Variants in USP34 observed in about 807,000 individuals in gnomAD.
USP34 encodes the protein ubiquitin carboxyl-terminal hydrolase 34.
Under a neutral mutation model 460.3 loss-of-function variants are expected in USP34, and 70 were observed. The ratio of observed to expected loss-of-function variants is 0.15; its 90% CI spans 0.13 to 0.19. The LOEUF (loss-of-function observed/expected upper bound fraction) is 0.19. Among genes scored for constraint, USP34 ranks in the 10% least tolerant of loss-of-function variants. USP34 has a pLI of 1.00. For missense variants in USP34, 3,985 were observed against 4,236.2 expected (o/e 0.94, Z 1.65); for synonymous variants, 1,647 against 1,405.3 (o/e 1.17, Z -3.85).
At chr2:61,285,849 T>G (rs1204941341) in intron 34 of USP34, among the ~76,000 whole-genome samples, 1 of 152,204 alleles carries the variant, frequency 6.6e-6, no homozygotes, top group East Asian at 1.9e-4. Context: ...CTAATATATT[T>G]GGAATTCCTC....
At chr2:61,287,937 C>A (rs974735445) in intron 34 of USP34, among the ~76,000 whole-genome samples, 2 of 152,198 alleles carry the variant, frequency 1.3e-5, no homozygotes, top group Non-Finnish European at 2.9e-5. Flanking sequence ...TATGCTAGGG[C>A]AAATATATCA....
chr2:61,295,350 A>G, intron 30 of USP34, 60 bp from the exon 31 acceptor site: 2 of 1,516,606 alleles, frequency 1.3e-6, no homozygotes, highest in Non-Finnish European at 1.8e-6. Context: ...AAAAAGAAAA[A>G]CTTTAAACAA....
intron 49 of USP34, among the ~76,000 whole-genome samples, chr2:61,247,912 C>G (rs1242501426): frequency 6.6e-6 from 1 of 152,144 alleles, no homozygotes; most frequent in Non-Finnish European, 1.5e-5. Context: ...AGAGGCCGGG[C>G]ACAGTGGCTC....
intron 1 of USP34, among the ~76,000 whole-genome samples, chr2:61,433,332 C>G (rs1278344804): frequency 6.6e-6 from 1 of 152,192 alleles, no homozygotes; most frequent in African/African-American, 2.4e-5. Flanking sequence ...AACACCTACA[C>G]TCCTTACAAG....
intron 1 of USP34, among the ~76,000 whole-genome samples, chr2:61,424,108 A>G (rs1019380340): frequency 1.3e-5 from 2 of 152,206 alleles, no homozygotes; most frequent in Non-Finnish European, 2.9e-5. Context: ...CAATTACCAT[A>G]TGATCCAGCA....
chr2:61,364,178 C>T (rs1692360174), intron 10 of USP34, among the ~76,000 whole-genome samples: 1 of 152,126 alleles, frequency 6.6e-6, no homozygotes, highest in South Asian at 2.1e-4. Context: ...ACATTGGAGA[C>T]CAGCCTGAGC....
intron 27 of USP34, among the ~76,000 whole-genome samples, chr2:61,309,526 A>G (rs1229780030): frequency 6.6e-6 from 1 of 152,166 alleles, no homozygotes; most frequent in Non-Finnish European, 1.5e-5. Context: ...CTGCCACTGT[A>G]CTATCTTCTC....
chr2:61,461,565 G>A (rs1344657743), intron 1 of USP34, among the ~76,000 whole-genome samples: 2 of 152,166 alleles, frequency 1.3e-5, no homozygotes, highest in South Asian at 2.1e-4. Flanking sequence ...ATGTTGCCCA[G>A]GCTAGCCTTG....
At chr2:61,416,063 G>C (rs559342041) in intron 2 of USP34, among the ~76,000 whole-genome samples, 1 of 152,240 alleles carries the variant, frequency 6.6e-6, no homozygotes, top group East Asian at 1.9e-4. Flanking sequence ...GCCCAATTCT[G>C]CTGAAAGAAT....
rs1691254215 is a variant in USP34, at chr2:61,331,294, C to T, written c.2912G>A (p.Gly971Glu). The change falls in exon 20 of 80, where the codon GGA becomes GAA. Residue 971 changes from glycine to glutamate, a missense_variant. Gly to Glu is a moderately conservative substitution (Grantham distance 98). This residue lies in a region of USP34 where 1,114 missense variants were observed against 1,122.5 expected (regional missense o/e 0.99). Transcript: ENST00000398571. ...LVYYIQTVRE[G>E]RQKHALYSHS... is the part of the protein sequence containing the mutation. ...TACTTACAGTGCATGTTTTTGTCTT[C>T]CTTCTCTCACAGTTTGAATGTAGTA... 19 of 1,612,014 alleles carry T rather than the reference C, an allele frequency of 1.2e-5. No individual in the cohort carries two copies. The highest frequency in any genetic ancestry group is 1.6e-5 in the Non-Finnish European group (19 of 1,179,026).
At chr2:61,469,297 G>A (rs1015050911) in intron 1 of USP34, among the ~76,000 whole-genome samples, 1 of 152,160 alleles carries the variant, frequency 6.6e-6, no homozygotes, top group Non-Finnish European at 1.5e-5. Context: ...TCCAAGTTGA[G>A]CGTAACAATC....
In USP34 at chr2:61,257,042, T is replaced by A; in HGVS notation, c.6048+10A>T. On this transcript the variant is annotated intron_variant, in intron 46 of 79. Transcript: ENST00000398571. ...ATCTCCAAAAAGTAAAAACCAGGTATAATACTTACCAAGGATACAACATTG... is the reference window on the plus strand; with the variant it reads ...ATCTCCAAAAAGTAAAAACCAGGTAAAATACTTACCAAGGATACAACATTG... 3 of 1,548,000 alleles carry A rather than the reference T, an allele frequency of 1.9e-6. No individual in the cohort carries two copies. Among genetic ancestry groups the A allele is most frequent in the Non-Finnish European group, 2.6e-6 (3 of 1,150,584 alleles).
chr2:61,417,001 A>G, intron 2 of USP34: 1 of 1,323,940 alleles, frequency 7.6e-7, no homozygotes, highest in Non-Finnish European at 1.1e-6. Flanking sequence ...ATCGGCATTG[A>G]ACTTGGTGAA....
intron 41 of USP34, among the ~76,000 whole-genome samples, chr2:61,267,059 A>G (rs1022964241): frequency 6.6e-6 from 1 of 152,250 alleles, no homozygotes; most frequent in African/African-American, 2.4e-5. Flanking sequence ...CGTTCTTGGT[A>G]TACAATACAT....
At chr2:61,367,595 A>G (rs1285808506) in intron 10 of USP34, among the ~76,000 whole-genome samples, 1 of 152,202 alleles carries the variant, frequency 6.6e-6, no homozygotes, top group African/African-American at 2.4e-5. Flanking sequence ...AGTAATGAAA[A>G]ATATTTTAAT....
At chr2:61,371,588 T>A (rs996865724) in intron 8 of USP34, among the ~76,000 whole-genome samples, 1 of 151,902 alleles carries the variant, frequency 6.6e-6, no homozygotes, top group African/African-American at 2.4e-5. Context: ...TAAAAGTAAA[T>A]AAAAAGTTAG....
At chr2:61,237,538 T>C (rs1236627362) in intron 53 of USP34, among the ~76,000 whole-genome samples, 3 of 150,314 alleles carry the variant, frequency 2.0e-5, no homozygotes, top group African/African-American at 2.5e-5. Context: ...TGTATGTGTA[T>C]AGCTATTTTC....
intron 10 of USP34, among the ~76,000 whole-genome samples, chr2:61,365,518 T>C (rs1198948307): frequency 1.3e-5 from 2 of 151,922 alleles, no homozygotes; most frequent in Non-Finnish European, 2.9e-5. Context: ...ACATTTCAAG[T>C]GTGTACAACT....
chr2:61,348,693 C>T, intron 14 of USP34, 63 bp downstream of exon 14: 1 of 1,553,426 alleles, frequency 6.4e-7, no homozygotes, highest in Non-Finnish European at 8.7e-7. Context: ...ATACCCAATT[C>T]AAATGATAAA....
Sources: gnomAD v4.1 joint callset for allele counts (sites outside exome capture counted in the v4.1 genomes callset) on GRCh38, gnomAD v4.1.1 for gene constraint, gnomAD v4.1.1 regional missense constraint, MANE v1.5 for transcripts, NCBI Gene and HGNC (gene_info 2026-07-23, HGNC 2026-07-21) for gene names.